DSCAML1: variants seen among roughly 807,000 people sequenced by gnomAD.
The protein encoded by DSCAML1 is cell adhesion molecule DSCAML1.
In DSCAML1, 38 loss-of-function variants were observed where a neutral mutation model predicts 200.5. The observed-to-expected ratio is 0.19, with a 90% CI of 0.15 to 0.25. DSCAML1 has a LOEUF of 0.25. DSCAML1 is among the 10% of genes least tolerant of loss of function. The pLI is 1.00. For missense variants in DSCAML1, 2,223 were observed against 2,858.8 expected (o/e 0.78, Z 5.07); for synonymous variants, 1,215 against 1,165.0 (o/e 1.04, Z -0.87).
At chr11:117,789,290 T>C (rs1267092543) in intron 1 of DSCAML1, among the ~76,000 whole-genome samples, 1 of 152,178 alleles carries the variant, frequency 6.6e-6, no homozygotes, top group Non-Finnish European at 1.5e-5. Flanking sequence ...GACTCTTTAA[T>C]CTTCCAGCCC....
intron 3 of DSCAML1, among the ~76,000 whole-genome samples, chr11:117,623,139 A>G (rs976952095): frequency 4.0e-5 from 6 of 151,738 alleles, no homozygotes; most frequent in African/African-American, 1.2e-4. Context: ...ACTAGCATCA[A>G]CTGAAATCTC....
intron 3 of DSCAML1, among the ~76,000 whole-genome samples, chr11:117,701,824 TG>T (rs1490746018): frequency 6.6e-6 from 1 of 152,216 alleles, no homozygotes; most frequent in Non-Finnish European, 1.5e-5. Context: ...CCTGGTGACC[TG>T]GACGTCCTGG....
chr11:117,483,244 G>T (rs901994119), intron 11 of DSCAML1, among the ~76,000 whole-genome samples: 1 of 152,182 alleles, frequency 6.6e-6, no homozygotes, highest in Non-Finnish European at 1.5e-5. Context: ...ATGAGACCTC[G>T]TGCCAGGCTG....
chr11:117,681,377 G>GCA (rs1168302518), intron 3 of DSCAML1, among the ~76,000 whole-genome samples: 3 of 152,304 alleles, frequency 2.0e-5, no homozygotes, highest in African/African-American at 7.2e-5. Flanking sequence ...ATTCTTACGT[G>GCA]CATTCATAAG....
intron 1 of DSCAML1, among the ~76,000 whole-genome samples, chr11:117,794,691 A>G (rs2055538679): frequency 6.6e-6 from 1 of 151,702 alleles, no homozygotes; most frequent in Admixed American, 6.6e-5. Context: ...GGGAGAGAAA[A>G]TACTCCAAAC....
Position 117,480,307 on chromosome 11 carries a change from T to C in DSCAML1, c.2785+136A>G. On this transcript the variant is annotated intron_variant, in intron 14 of 32. Coordinates refer to ENST00000651296, the MANE Select transcript of DSCAML1 (RefSeq NM_020693.4). The surrounding 1 kb of genome is among the most constrained non-coding windows in gnomAD (Gnocchi z 4.1). ...TCAGAAGCCACAGCTGCTTGTGCAC[T>C]GGTGGGTGCTTGTGTGTCTAGCTTG... 2 of 1,339,620 alleles carry C rather than the reference T, an allele frequency of 1.5e-6. No individual in the cohort carries two copies. 83.0% of individuals were successfully genotyped at this position (1,339,620 alleles called of 1,614,324 possible). A position where few individuals can be genotyped will look rare whatever the true frequency, so the allele number is the denominator to read the frequency against.
chr11:117,525,551 C>G (rs2049963338), intron 4 of DSCAML1, among the ~76,000 whole-genome samples: 1 of 151,972 alleles, frequency 6.6e-6, no homozygotes, highest in Admixed American at 6.5e-5. Context: ...CCTCCACCTC[C>G]CAGGTTCAAG....
chr11:117,776,854 A>G lies in DSCAML1; in HGVS notation c.448T>C (p.Ser150Pro). ...NVAVFKCLIP[S>P]SVQEYVSVVS... ...ACGCTAACATATTCCTGCACTGAAG[A>G]GGGGATGAGGCACTTGAAGACGGCC... Residue 150 changes from serine to proline, a missense_variant, in exon 3 of 33, where the codon TCT becomes CCT. By Grantham distance (74) the Ser-to-Pro change is moderately conservative (BLOSUM62 -1). Coordinates refer to ENST00000651296, the MANE Select transcript of DSCAML1 (RefSeq NM_020693.4). 6.2e-7 allele frequency: 1 copy of G among 1,614,160 alleles called. No homozygotes were observed. Among genetic ancestry groups the G allele is most frequent in the South Asian group, 1.1e-5 (1 of 91,064 alleles).
intron 3 of DSCAML1, among the ~76,000 whole-genome samples, chr11:117,723,803 C>A (rs1001348520): frequency 6.6e-6 from 1 of 152,322 alleles, no homozygotes; most frequent in East Asian, 1.9e-4. Context: ...TCATCTGCAG[C>A]GTCTCCTCCC....
Position 117,565,440 on chromosome 11 carries a change from T to C in DSCAML1, c.512-32918A>G, listed in dbSNP as rs1390346384. 4.6e-5 allele frequency among the ~76,000 whole-genome samples: 7 copies of C among 152,372 alleles called. No homozygotes were observed. In the East Asian group the frequency reaches 9.6e-4, roughly 21 times the overall value. The stretch of plus-strand genomic sequence containing the variant: ...TTATTTCTTCTCTCAAACCGTGTAT[T>C]TGTACCTATGCCCCTTAGCATTTCT... On this transcript the variant is annotated intron_variant, in intron 3 of 32. Coordinates refer to ENST00000651296, the MANE Select transcript of DSCAML1 (RefSeq NM_020693.4).
chr11:117,532,454 A>C lies in DSCAML1; in HGVS notation c.580T>G (p.Ser194Ala). ...TGCTTGGTGATGCAGCGATAGGTGG[A>C]GAGGGCGTCCTCCTTCTGTACGTCA... The part of the protein sequence containing the change: ...ISDVQKEDAL[S>A]TYRCITKHKY... Residue 194 changes from serine to alanine, a missense_variant, in exon 4 of 33, where the codon TCC becomes GCC. Physicochemically the swap from Ser to Ala is moderately conservative, Grantham distance 99. This residue lies in a region of DSCAML1 where 579 missense variants were observed against 721.5 expected (regional missense o/e 0.80). Coordinates refer to ENST00000651296, the MANE Select transcript of DSCAML1 (RefSeq NM_020693.4). 6.2e-7 allele frequency: 1 copy of C among 1,614,178 alleles called. No homozygotes were observed. Among genetic ancestry groups the C allele is most frequent in the African/African-American group, 1.3e-5 (1 of 75,046 alleles).
intron 5 of DSCAML1, among the ~76,000 whole-genome samples, chr11:117,524,458 A>T (rs2049938539): frequency 6.6e-6 from 1 of 152,186 alleles, no homozygotes; most frequent in African/African-American, 2.4e-5. Flanking sequence ...CCTCATGGCG[A>T]GCACATCACC....
intron 17 of DSCAML1, among the ~76,000 whole-genome samples, chr11:117,464,698 A>G (rs898408515): frequency 6.6e-6 from 1 of 152,206 alleles, no homozygotes; most frequent in African/African-American, 2.4e-5. Flanking sequence ...CAACAGGTCA[A>G]CAGAGACCGG....
intron 3 of DSCAML1, among the ~76,000 whole-genome samples, chr11:117,769,243 TATA>T (rs2054966491): frequency 2.1e-4 from 1 of 4,824 alleles, no homozygotes; most frequent in African/African-American, 3.0e-4. Context: ...ATATATTTTA[TATA>T]TGTATATATT....
intron 3 of DSCAML1, among the ~76,000 whole-genome samples, chr11:117,559,472 T>C (rs1272690387): frequency 6.6e-6 from 1 of 152,232 alleles, no homozygotes; most frequent in East Asian, 1.9e-4. Flanking sequence ...GCCAAACCCA[T>C]GTATGACCTT....
At position 117,431,133 on chromosome 11, in the gene DSCAML1, G is replaced by C. The variant is rs115349181; in HGVS notation, c.5375-100C>G. ...CCGTAACCCCAGCAGCCATCTGTAA[G>C]TCTGGCCATGGAGGGCACCAGGCTG... On this transcript the variant is annotated intron_variant, in intron 31 of 32. Transcript: ENST00000651296. The C allele has an allele frequency of 5.8e-4, 705 of 1,224,374 alleles. No individual in the cohort carries two copies. In the African/African-American group the frequency reaches 9.8e-3, roughly 17 times the overall value. The allele number at this position is 1,224,374 out of a possible 1,614,324, so 75.8% of individuals were successfully genotyped here. A position where few individuals can be genotyped will look rare whatever the true frequency, so the allele number is the denominator to read the frequency against.
At chr11:117,734,514 T>G (rs1394709896) in intron 3 of DSCAML1, among the ~76,000 whole-genome samples, 1 of 152,236 alleles carries the variant, frequency 6.6e-6, no homozygotes. Context: ...CCCCCAGCTC[T>G]GCTGGGTCAG....
intron 3 of DSCAML1, among the ~76,000 whole-genome samples, chr11:117,588,202 T>C (rs918546395): frequency 1.3e-5 from 2 of 152,168 alleles, no homozygotes; most frequent in South Asian, 4.1e-4. Flanking sequence ...GGCCCAGGCA[T>C]CTGGCACCAG....
intron 20 of DSCAML1, among the ~76,000 whole-genome samples, chr11:117,449,738 G>A (rs1473148481): frequency 6.6e-6 from 1 of 152,190 alleles, no homozygotes; most frequent in African/African-American, 2.4e-5. Flanking sequence ...GCCCCTTGAG[G>A]GCAGGTATCT....
Sources: gnomAD v4.1 joint callset for allele counts (sites outside exome capture counted in the v4.1 genomes callset) on GRCh38, gnomAD v4.1.1 for gene constraint, gnomAD v4.1.1 regional missense constraint, Gnocchi (gnomAD v3.1) non-coding constraint, MANE v1.5 for transcripts, NCBI Gene and HGNC (gene_info 2026-07-23, HGNC 2026-07-21) for gene names.